The following CCDC85A variants were observed in gnomAD, a reference collection of about 807,000 sequenced individuals.
CCDC85A encodes the protein coiled-coil domain-containing protein 85A.
CCDC85A carries 38 observed loss-of-function variants against 50.2 expected under a neutral mutation model. The observed-to-expected ratio is 0.76, with a 90% CI of 0.58 to 0.99. The LOEUF is 0.99. CCDC85A is among the 50% of genes least tolerant of loss of function. The probability of loss-of-function intolerance (pLI) is 0.00; values close to 1 mark genes in which losing one functional copy is unlikely to be tolerated. For missense variants in CCDC85A, 820 were observed against 742.0 expected (o/e 1.11, Z -1.22); for synonymous variants, 366 against 301.4 (o/e 1.21, Z -2.22).
intron 2 of CCDC85A, among the ~76,000 whole-genome samples, chr2:56,327,831 CAAAAAAAAA>C (rs70955016): frequency 2.1e-5 from 2 of 93,264 alleles, no homozygotes; most frequent in African/African-American, 7.5e-5. Context: ...TAGAGTAAGG[CAAAAAAAAA>C]AAAAAAAAAA....
intron 2 of CCDC85A, among the ~76,000 whole-genome samples, chr2:56,308,593 C>A (rs964834325): frequency 6.6e-6 from 1 of 152,106 alleles, no homozygotes; most frequent in African/African-American, 2.4e-5. Context: ...AAAATAGGAC[C>A]TAATAATACC....
rs1391024192 is a variant in CCDC85A at position 56,192,653 on chromosome 2, G to A, written c.453G>A (p.Leu151=). ...TATACCTGCAGAAGCTGAAAGACCT[G>A]GAGGTGAAGCAGGAGGAAGTGGTGA... ...VALYLQKLKD[L]EVKQEEVVKE... Residue 151 remains leucine (L), a synonymous_variant, in exon 2 of 6, where the codon CTG becomes CTA. Transcript: ENST00000407595. The surrounding 1 kb of genome is among the most constrained non-coding windows in gnomAD (Gnocchi z 4.7). The A allele has an allele frequency of 2.5e-6, 4 of 1,613,794 alleles. No homozygotes were observed. The highest frequency in any genetic ancestry group is 4.5e-5 in the East Asian group (2 of 44,878).
At chr2:56,376,078 A>G in intron 5 of CCDC85A, 143 bp downstream of exon 5, 1 of 845,042 alleles carries the variant, frequency 1.2e-6, no homozygotes, top group Non-Finnish European at 1.7e-6. Context: ...TTAAATCTTA[A>G]TTTTTGAAGT....
At chr2:56,228,452 A>T (rs1220316921) in intron 2 of CCDC85A, among the ~76,000 whole-genome samples, 1 of 152,136 alleles carries the variant, frequency 6.6e-6, no homozygotes, top group East Asian at 1.9e-4. Flanking sequence ...TACTTTTATT[A>T]TTGCTAGTAT....
intron 2 of CCDC85A, among the ~76,000 whole-genome samples, chr2:56,264,541 C>T (rs1274000133): frequency 6.6e-6 from 1 of 152,174 alleles, no homozygotes; most frequent in Non-Finnish European, 1.5e-5. Flanking sequence ...ACTGCCAACA[C>T]CCTGGTCTAA....
intron 2 of CCDC85A, among the ~76,000 whole-genome samples, chr2:56,299,545 T>C (rs1179469017): frequency 1.3e-5 from 2 of 152,122 alleles, no homozygotes; most frequent in African/African-American, 2.4e-5. Flanking sequence ...TCCTGGCACG[T>C]TGGCTGATAG....
intron 2 of CCDC85A, among the ~76,000 whole-genome samples, chr2:56,273,511 A>G (rs1026619445): frequency 1.8e-4 from 27 of 152,244 alleles, no homozygotes; most frequent in Admixed American, 1.3e-3. Flanking sequence ...AATTGCTTTC[A>G]ACTTAATATT....
At chr2:56,232,637 C>A (rs1668822609) in intron 2 of CCDC85A, among the ~76,000 whole-genome samples, 1 of 152,128 alleles carries the variant, frequency 6.6e-6, no homozygotes, top group African/African-American at 2.4e-5. Context: ...AGGCCTCTAG[C>A]CACACAGAAC....
intron 2 of CCDC85A, among the ~76,000 whole-genome samples, chr2:56,300,690 A>G (rs141939220): frequency 1.3e-5 from 2 of 152,312 alleles, no homozygotes; most frequent in South Asian, 2.1e-4. Flanking sequence ...ATTTTTCTCC[A>G]GAGGATTTAA....
chr2:56,253,354 G>A lies in CCDC85A; in HGVS notation c.1240+59914G>A, dbSNP rs1418285171. Among the ~76,000 whole-genome samples, 5 of 152,278 alleles carry A rather than the reference G, an allele frequency of 3.3e-5. 1 individual carries two copies. Among genetic ancestry groups the A allele is most frequent in the Admixed American group, 3.3e-4 (5 of 15,286 alleles). On this transcript the variant is annotated intron_variant, in intron 2 of 5. Coordinates refer to ENST00000407595, the MANE Select transcript of CCDC85A (RefSeq NM_001080433.2). Reference sequence around the variant, plus strand: ...GAAGAATGAGTAGGACAGGAGCTAGGGTGAAGATCAAGGGAAGAGTTTCCA... The same window carrying A: ...GAAGAATGAGTAGGACAGGAGCTAGAGTGAAGATCAAGGGAAGAGTTTCCA...
chr2:56,243,052 T>G (rs1288543045), intron 2 of CCDC85A, among the ~76,000 whole-genome samples: 1 of 152,142 alleles, frequency 6.6e-6, no homozygotes, highest in Non-Finnish European at 1.5e-5. Context: ...TTGATGTTTT[T>G]AGGATCTTTT....
chr2:56,242,116 A>G (rs182091071), intron 2 of CCDC85A, among the ~76,000 whole-genome samples: 22 of 152,092 alleles, frequency 1.4e-4, no homozygotes, highest in African/African-American at 4.3e-4. Context: ...CTATTTTCCA[A>G]TTGTATGTTT....
intron 2 of CCDC85A, among the ~76,000 whole-genome samples, chr2:56,282,963 C>G (rs1443703692): frequency 6.6e-6 from 1 of 151,790 alleles, no homozygotes; most frequent in Non-Finnish European, 1.5e-5. Flanking sequence ...TTTTTTTCTT[C>G]TAGTATATAG....
rs752930141 is a variant in CCDC85A, at chr2:56,193,235, G to T, written c.1035G>T (p.Gly345=). 1.9e-6 allele frequency: 3 copies of T among 1,612,596 alleles called. No individual in the cohort carries two copies. In the East Asian group the frequency reaches 6.7e-5, roughly 36 times the overall value. Residue 345 remains glycine, a synonymous_variant, in exon 2 of 6, where the codon GGG becomes GGT. Transcript: ENST00000407595. ...AGCATCTTCAGAAACACGCTCTTGGGGGGAGCCTAGAGCATCTCCCCAGAG... is the reference window on the plus strand; with the variant it reads ...AGCATCTTCAGAAACACGCTCTTGGTGGGAGCCTAGAGCATCTCCCCAGAG... The part of the protein sequence containing the change: ...SPEHLQKHAL[G]GSLEHLPRAR...
At chr2:56,313,887 TAGTC>T (rs1475335504) in intron 2 of CCDC85A, among the ~76,000 whole-genome samples, 1 of 151,900 alleles carries the variant, frequency 6.6e-6, no homozygotes, top group Non-Finnish European at 1.5e-5. Flanking sequence ...TCTAGTCAGA[TAGTC>T]AGGGCTGGGC....
chr2:56,314,777 T>A (rs565514147), intron 2 of CCDC85A, among the ~76,000 whole-genome samples: 1 of 152,262 alleles, frequency 6.6e-6, no homozygotes, highest in South Asian at 2.1e-4. Context: ...CACAGAAGGT[T>A]CCTTCCCTTC....
At chr2:56,275,195 T>C (rs1013724163) in intron 2 of CCDC85A, among the ~76,000 whole-genome samples, 3 of 152,222 alleles carry the variant, frequency 2.0e-5, no homozygotes, top group Non-Finnish European at 4.4e-5. Flanking sequence ...TATATTAATA[T>C]AAGCCCTCAG....
In CCDC85A at chr2:56,260,824, C is replaced by A. The variant is rs557308434; in HGVS notation, c.1240+67384C>A. Among the ~76,000 whole-genome samples the A allele has an allele frequency of 1.3e-4, 20 of 152,282 alleles. No homozygotes were observed. In the East Asian group the frequency reaches 3.7e-3, roughly 28 times the overall value. On this transcript the variant is annotated intron_variant, in intron 2 of 5. Coordinates refer to ENST00000407595, the MANE Select transcript of CCDC85A (RefSeq NM_001080433.2). Reference sequence around the variant, plus strand: ...AGTGTCCTCTTTTAGAATAATGATTCTATTTGTTGGCTAACTGTCTTATTT... The same window carrying A: ...AGTGTCCTCTTTTAGAATAATGATTATATTTGTTGGCTAACTGTCTTATTT...
rs1676757313 is a variant in CCDC85A, at chr2:56,384,958, T to C, written c.*603T>C. The C allele has an allele frequency of 6.6e-6, 1 of 152,458 alleles. No homozygotes were observed. 9.4% of individuals were successfully genotyped at this position (152,458 alleles called of 1,614,324 possible). On this transcript the variant is annotated 3_prime_UTR_variant, in exon 6 of 6. Coordinates refer to ENST00000407595, the MANE Select transcript of CCDC85A (RefSeq NM_001080433.2). ...ACTTCTGAGGTGCTAAAAAATACCA[T>C]GTAAATTCTCCCTACCAGCTAGAAG...
Sources: allele counts gnomAD v4.1 joint callset (sites outside exome capture counted in the v4.1 genomes callset), GRCh38; gene constraint gnomAD v4.1.1; non-coding constraint Gnocchi (gnomAD v3.1); transcripts MANE v1.5; gene names NCBI Gene and HGNC (gene_info 2026-07-23, HGNC 2026-07-21).